The following RABGEF1 variants were observed in gnomAD, a reference collection of about 807,000 sequenced individuals.
RABGEF1 encodes the protein RAB guanine nucleotide exchange factor 1, also known as rab5 GDP/GTP exchange factor.
A neutral mutation model predicts 57.3 loss-of-function variants in RABGEF1; 26 were observed. That is an observed-to-expected ratio of 0.45 (90% CI 0.33 to 0.63). The LOEUF (loss-of-function observed/expected upper bound fraction) is 0.63. Among genes scored for constraint, RABGEF1 ranks in the 20% least tolerant of loss-of-function variants. The pLI, the probability that RABGEF1 is intolerant of heterozygous loss-of-function variation, is 0.02. For missense variants in RABGEF1, 464 were observed against 607.6 expected (o/e 0.76, Z 2.48); for synonymous variants, 185 against 210.7 (o/e 0.88, Z 1.06).
At chr7:66,756,576 GT>G (rs1295354521) in intron 1 of RABGEF1, among the ~76,000 whole-genome samples, 1 of 151,522 alleles carries the variant, frequency 6.6e-6, no homozygotes, top group Non-Finnish European at 1.5e-5. Flanking sequence ...TTTTTTTCTA[GT>G]CCCTTATTTG....
intron 8 of RABGEF1, 135 bp from the exon 9 acceptor site, chr7:66,808,751 A>G: frequency 2.0e-6 from 2 of 979,120 alleles, no homozygotes; most frequent in Non-Finnish European, 2.9e-6. Flanking sequence ...AGGCTGAAAT[A>G]CACAGAAGTT....
At chr7:66,805,791 CTGG>C (rs2129191058) in intron 8 of RABGEF1, among the ~76,000 whole-genome samples, 1 of 152,298 alleles carries the variant, frequency 6.6e-6, no homozygotes, top group African/African-American at 2.4e-5. Flanking sequence ...ATCACCCAGG[CTGG>C]AGTGCAGTGG....
In RABGEF1 at chr7:66,798,123, A is replaced by G. The variant is rs1786440476; in HGVS notation, c.728+617A>G. 2.0e-5 allele frequency among the ~76,000 whole-genome samples: 3 copies of G among 152,330 alleles called. No individual in the cohort carries two copies. The South Asian group carries it at 6.2e-4, about 32-fold the overall frequency. ...CAGAGCAAGACTCCTTCTCAAAAAA[A>G]TAACAAGTCAGTAGATGTCCTCTTT... On this transcript the variant is annotated intron_variant, in intron 6 of 8. Coordinates refer to ENST00000284957, the MANE Select transcript of RABGEF1 (RefSeq NM_014504.3).
chr7:66,780,198 AG>A (rs1342931433), intron 3 of RABGEF1, among the ~76,000 whole-genome samples: 1 of 152,164 alleles, frequency 6.6e-6, no homozygotes, highest in Non-Finnish European at 1.5e-5. Flanking sequence ...GTTCTTCTGA[AG>A]AGTCTTCAGT....
chr7:66,708,184 C>A (rs1794349832), intron 1 of RABGEF1, among the ~76,000 whole-genome samples: 1 of 151,842 alleles, frequency 6.6e-6, no homozygotes, highest in South Asian at 2.1e-4. Context: ...CATTTTAATT[C>A]CTTGTTGTTA....
intron 2 of RABGEF1, among the ~76,000 whole-genome samples, chr7:66,731,926 G>A (rs1797363629): frequency 6.6e-6 from 1 of 152,222 alleles, no homozygotes; most frequent in Admixed American, 6.5e-5. Context: ...GATGTGCACA[G>A]AAGCCCCCTG....
At chr7:66,790,283 T>C (rs933062252) in intron 4 of RABGEF1, among the ~76,000 whole-genome samples, 6 of 152,222 alleles carry the variant, frequency 3.9e-5, no homozygotes, top group African/African-American at 1.2e-4. Flanking sequence ...CAGCAAGCAC[T>C]GCCAAGCTGA....
intron 2 of RABGEF1, among the ~76,000 whole-genome samples, chr7:66,729,260 C>T (rs1466798934): frequency 6.6e-6 from 1 of 151,386 alleles, no homozygotes; most frequent in Non-Finnish European, 1.5e-5. Context: ...CTGACCTCCA[C>T]CATTACCACC....
intron 4 of RABGEF1, among the ~76,000 whole-genome samples, chr7:66,794,484 T>C (rs930848148): frequency 3.3e-5 from 5 of 152,180 alleles, no homozygotes; most frequent in African/African-American, 1.2e-4. Context: ...ACTGCATTTA[T>C]CTTTTAAATA....
upstream of RABGEF1, among the ~76,000 whole-genome samples, chr7:66,737,075 A>AGAGAGC (rs1798058515): frequency 7.7e-6 from 1 of 129,222 alleles, no homozygotes; most frequent in Non-Finnish European, 1.7e-5. Flanking sequence ...AGAGAGAGTG[A>AGAGAGC]GAGAGAGAGA....
At chr7:66,678,696 G>A (rs1789482934), upstream of RABGEF1, among the ~76,000 whole-genome samples, 1 of 152,070 alleles carries the variant, frequency 6.6e-6, no homozygotes, top group African/African-American at 2.4e-5. Flanking sequence ...CTGTAGAGAT[G>A]AGGTCTCACC....
upstream of RABGEF1, among the ~76,000 whole-genome samples, chr7:66,677,761 CAAAAAAA>C (rs35401177): frequency 3.4e-4 from 23 of 67,488 alleles, no homozygotes; most frequent in Non-Finnish European, 3.3e-4. Flanking sequence ...GACTCCGTCT[CAAAAAAA>C]AAAAAAAAAA....
chr7:66,668,587 G>A, the RABGEF1 span, among the ~76,000 whole-genome samples: 1 of 152,174 alleles, frequency 6.6e-6, no homozygotes, highest in South Asian at 2.1e-4. Flanking sequence ...ATTGTGGGCC[G>A]GGGGTGAAAG....
At chr7:66,698,111 C>A (rs1421138554) in intron 1 of RABGEF1, among the ~76,000 whole-genome samples, 1 of 151,806 alleles carries the variant, frequency 6.6e-6, no homozygotes, top group Non-Finnish European at 1.5e-5. Flanking sequence ...ACCCCCCCCA[C>A]CCTCAGACCA....
intron 1 of RABGEF1, among the ~76,000 whole-genome samples, chr7:66,707,412 G>A (rs894608801): frequency 1.9e-4 from 29 of 152,074 alleles, no homozygotes; most frequent in African/African-American, 6.5e-4. Flanking sequence ...AAAAATGAAG[G>A]CCAGGCATGA....
chr7:66,745,208 A>T (rs7789184), intron 1 of RABGEF1, among the ~76,000 whole-genome samples: 76,109 of 151,608 alleles, frequency 0.5, 20,029 homozygotes, highest in East Asian at 0.74. Context: ...AAAAAAAATG[A>T]TATCAGTACT....
chr7:66,692,988 C>T (rs1791759707), intron 1 of RABGEF1, among the ~76,000 whole-genome samples: 1 of 152,184 alleles, frequency 6.6e-6, no homozygotes, highest in Non-Finnish European at 1.5e-5. Flanking sequence ...GCTGGCACCT[C>T]CCTGCTGGGG....
intron 1 of RABGEF1, among the ~76,000 whole-genome samples, chr7:66,755,537 T>TA (rs1802510149): frequency 1.3e-5 from 2 of 152,144 alleles, no homozygotes; most frequent in Admixed American, 1.3e-4. Context: ...GACCACCTAA[T>TA]ATGTTGCAAG....
In RABGEF1 at chr7:66,809,124, T is replaced by C. The variant is rs760034074; in HGVS notation, c.1316T>C (p.Ile439Thr). 12 of 1,614,018 alleles carry C rather than the reference T, an allele frequency of 7.4e-6. No individual in the cohort carries two copies. Among genetic ancestry groups the C allele is most frequent in the African/African-American group, 5.3e-5 (4 of 74,912 alleles). ...GCCAAGAAACTGGAAAAAGACCTCA[T>C]AGATTGGACAGATGGAATTGCAAGA... ...NEAKKLEKDL[I>T]DWTDGIAREV... Residue 439 changes from isoleucine (I) to threonine (T), a missense_variant, in exon 9 of 9, where the codon ATA (isoleucine) becomes ACA (threonine). Ile to Thr is a moderately conservative substitution (Grantham distance 89, BLOSUM62 -1). Coordinates refer to ENST00000284957, the MANE Select transcript of RABGEF1 (RefSeq NM_014504.3).
Sources: gnomAD v4.1 joint callset for allele counts (sites outside exome capture counted in the v4.1 genomes callset) on GRCh38, gnomAD v4.1.1 for gene constraint, MANE v1.5 for transcripts, NCBI Gene and HGNC (gene_info 2026-07-23, HGNC 2026-07-21) for gene names.